The following CRTAC1 variants were observed in gnomAD, a reference collection of about 807,000 sequenced individuals.
CRTAC1 encodes the protein cartilage acidic protein 1.
In CRTAC1, 37 loss-of-function variants were observed where a neutral mutation model predicts 67.8. The ratio of observed to expected loss-of-function variants is 0.55; its 90% CI spans 0.42 to 0.72. The LOEUF is 0.72. CRTAC1 is among the 30% of genes least tolerant of loss of function. The pLI is 0.00. For missense variants in CRTAC1, 780 were observed against 931.6 expected, an observed-to-expected ratio of 0.84 and a Z score of 2.12; for synonymous variants, 348 against 371.0, an observed-to-expected ratio of 0.94 and a Z score of 0.71.
chr10:97,917,450 C>T, intron 5 of CRTAC1, 50 bp downstream of exon 5: 1 of 1,394,240 alleles, frequency 7.2e-7, no homozygotes, highest in Non-Finnish European at 9.5e-7. Flanking sequence ...GGGCCCTGGC[C>T]CCCAGCCCCA....
chr10:97,914,844 T>C (rs2050736068), intron 5 of CRTAC1, among the ~76,000 whole-genome samples: 1 of 152,172 alleles, frequency 6.6e-6, no homozygotes, highest in South Asian at 2.1e-4. Flanking sequence ...GTGGTCTTCC[T>C]ACTGCCCCAG....
chr10:98,000,651 G>A (rs886174970), intron 2 of CRTAC1, among the ~76,000 whole-genome samples: 2 of 152,180 alleles, frequency 1.3e-5, no homozygotes, highest in Non-Finnish European at 2.9e-5. Context: ...GCAAAACTTG[G>A]GCAAAAGCGC....
chr10:97,962,700 C>T (rs1248242354), intron 2 of CRTAC1, among the ~76,000 whole-genome samples: 2 of 152,180 alleles, frequency 1.3e-5, no homozygotes, highest in Non-Finnish European at 2.9e-5. Flanking sequence ...TGCGGTCTTT[C>T]GGTACAGAAA....
chr10:97,977,801 C>A (rs1024006662), intron 2 of CRTAC1, among the ~76,000 whole-genome samples: 1 of 152,150 alleles, frequency 6.6e-6, no homozygotes, highest in Non-Finnish European at 1.5e-5. Context: ...TGATGAGTAC[C>A]TCACGAGTGT....
At chr10:98,005,629 A>G (rs761713310) in intron 2 of CRTAC1, among the ~76,000 whole-genome samples, 6 of 150,994 alleles carry the variant, frequency 4.0e-5, no homozygotes, top group Non-Finnish European at 8.8e-5. Flanking sequence ...TATACATACT[A>G]CATCTACCTA....
At chr10:97,883,048 T>A (rs1272233170) in intron 12 of CRTAC1, among the ~76,000 whole-genome samples, 1 of 152,260 alleles carries the variant, frequency 6.6e-6, no homozygotes, top group African/African-American at 2.4e-5. Context: ...TTCAGACTCT[T>A]GCTCATTTCC....
At chr10:98,022,312 G>A (rs535124931) in intron 1 of CRTAC1, among the ~76,000 whole-genome samples, 95 of 151,824 alleles carry the variant, frequency 6.3e-4, no homozygotes, top group African/African-American at 2.2e-3. Context: ...CCGAGATCAC[G>A]CCATTGCACT....
chr10:98,018,385 A>G (rs1843046084), intron 1 of CRTAC1, among the ~76,000 whole-genome samples: 2 of 151,970 alleles, frequency 1.3e-5, no homozygotes, highest in South Asian at 2.1e-4. Context: ...ACCTGCCAAG[A>G]TTTCAAGGGT....
At chr10:97,891,666 T>G (rs554392938) in intron 11 of CRTAC1, among the ~76,000 whole-genome samples, 43 of 152,362 alleles carry the variant, frequency 2.8e-4, no homozygotes, top group African/African-American at 9.4e-4. Flanking sequence ...CAGGTTCACC[T>G]CTGTCTTTCT....
intron 2 of CRTAC1, among the ~76,000 whole-genome samples, chr10:98,003,829 T>C (rs1842736999): frequency 6.6e-6 from 1 of 152,120 alleles, no homozygotes; most frequent in Non-Finnish European, 1.5e-5. Context: ...GGTAATTACA[T>C]AGGGGCCTCA....
At chr10:97,920,155 C>T (rs2136592143) in intron 4 of CRTAC1, among the ~76,000 whole-genome samples, 1 of 152,268 alleles carries the variant, frequency 6.6e-6, no homozygotes, top group African/African-American at 2.4e-5. Context: ...GAGGAAAGTG[C>T]GCCATCACAA....
rs552715195 is a variant in CRTAC1, at chr10:97,933,151, G to A, written c.421+3019C>T. Among the ~76,000 whole-genome samples, 19 of 152,378 alleles carry A rather than the reference G, an allele frequency of 1.2e-4. 1 individual carries two copies. The South Asian group carries it at 3.1e-3, about 25-fold the overall frequency. On this transcript the variant is annotated intron_variant, in intron 3 of 14. Coordinates refer to ENST00000370597, the MANE Select transcript of CRTAC1 (RefSeq NM_018058.7). ...AAGTGCCATGCCAGCTGGGCCCAAG[G>A]AAGTGCTGACATGGCACAATGTCCC...
At chr10:97,929,573 A>C (rs1267143358) in intron 3 of CRTAC1, among the ~76,000 whole-genome samples, 1 of 152,188 alleles carries the variant, frequency 6.6e-6, no homozygotes, top group Non-Finnish European at 1.5e-5. Context: ...GGCAAACAGC[A>C]GGGCTGGGGA....
At chr10:98,024,183 C>T (rs1843177104) in intron 1 of CRTAC1, among the ~76,000 whole-genome samples, 1 of 152,222 alleles carries the variant, frequency 6.6e-6, no homozygotes, top group Admixed American at 6.5e-5. Context: ...CGGGACACTC[C>T]CAGGGCTCAG....
intron 8 of CRTAC1, among the ~76,000 whole-genome samples, chr10:97,898,193 A>G (rs1370893919): frequency 1.3e-5 from 2 of 152,196 alleles, no homozygotes; most frequent in Non-Finnish European, 1.5e-5. Context: ...ACACATTCTT[A>G]GGCAGCAACT....
At chr10:98,022,515 G>A (rs1590301679) in intron 1 of CRTAC1, among the ~76,000 whole-genome samples, 2 of 152,056 alleles carry the variant, frequency 1.3e-5, no homozygotes, top group African/African-American at 4.8e-5. Flanking sequence ...GATTCTAGAT[G>A]CTGGAGACCT....
intron 2 of CRTAC1, among the ~76,000 whole-genome samples, chr10:97,967,000 C>T (rs78529945): frequency 0.022 from 3,300 of 149,680 alleles, 150 homozygotes; most frequent in African/African-American, 0.076. Context: ...GTCACCCCCC[C>T]CCCCCCGACA....
chr10:97,893,642 C>T (rs950058881), intron 11 of CRTAC1, among the ~76,000 whole-genome samples: 25 of 152,102 alleles, frequency 1.6e-4, no homozygotes, highest in African/African-American at 5.8e-4. Context: ...CGCCCTTCAC[C>T]CAGTTTCACC....
chr10:98,021,399 G>A (rs190594227), intron 1 of CRTAC1, among the ~76,000 whole-genome samples: 3 of 152,258 alleles, frequency 2.0e-5, no homozygotes, highest in Admixed American at 1.3e-4. Context: ...AAAACCTCGG[G>A]GGACCCAGGT....
Sources: gnomAD v4.1 joint callset for allele counts (sites outside exome capture counted in the v4.1 genomes callset) on GRCh38, gnomAD v4.1.1 for gene constraint, MANE v1.5 for transcripts, NCBI Gene and HGNC (gene_info 2026-07-23, HGNC 2026-07-21) for gene names.